The following RAB38 variants were observed in gnomAD, a reference collection of about 807,000 sequenced individuals.
RAB38 encodes the protein ras-related protein Rab-38.
RAB38 carries 15 observed loss-of-function variants against 18.4 expected under a neutral mutation model. The ratio of observed to expected loss-of-function variants is 0.82; its 90% CI spans 0.55 to 1.26. RAB38 has a LOEUF of 1.26. Ranked by LOEUF, RAB38 falls within the 50% of genes most tolerant of loss-of-function variation. The pLI, the probability that RAB38 is intolerant of heterozygous loss-of-function variation, is 0.00. For missense variants in RAB38, 294 were observed against 267.4 expected, an observed-to-expected ratio of 1.10 and a Z score of -0.69; for synonymous variants, 101 against 104.4, an observed-to-expected ratio of 0.97 and a Z score of 0.20.
At chr11:87,841,924 T>C in the RAB38 span, among the ~76,000 whole-genome samples, 8 of 152,340 alleles carry the variant, frequency 5.3e-5, no homozygotes, top group South Asian at 1.7e-3. Flanking sequence ...TTATATTCTC[T>C]GAGATTCACT....
At chr11:88,137,170 C>G (rs1283879213) in intron 2 of RAB38, among the ~76,000 whole-genome samples, 2 of 152,166 alleles carry the variant, frequency 1.3e-5, no homozygotes, top group Non-Finnish European at 2.9e-5. Flanking sequence ...GCAAAACCCA[C>G]AAATCAACAA....
chr11:88,112,719 A>C (rs1038186971), downstream of RAB38, among the ~76,000 whole-genome samples: 4 of 152,108 alleles, frequency 2.6e-5, no homozygotes, highest in Admixed American at 6.6e-5. Flanking sequence ...AGTTGCAGTG[A>C]GCTGAGATCG....
chr11:87,968,216 C>A, the RAB38 span, among the ~76,000 whole-genome samples: 1 of 152,106 alleles, frequency 6.6e-6, no homozygotes, highest in South Asian at 2.1e-4. Flanking sequence ...ATTTGGTTTC[C>A]AGGACCTTAC....
chr11:88,054,219 G>A, the RAB38 span, among the ~76,000 whole-genome samples: 45 of 152,156 alleles, frequency 3.0e-4, 1 homozygote, highest in Non-Finnish European at 7.4e-5. Context: ...TAGAGTAACA[G>A]TCCCTCTAAC....
chr11:88,130,055 A>T (rs912731887), intron 2 of RAB38, among the ~76,000 whole-genome samples: 4 of 152,220 alleles, frequency 2.6e-5, no homozygotes, highest in Non-Finnish European at 5.9e-5. Context: ...TATTCCACAA[A>T]CTGGAAAATA....
chr11:87,938,831 C>G, the RAB38 span, among the ~76,000 whole-genome samples: 1 of 151,684 alleles, frequency 6.6e-6, no homozygotes, highest in Non-Finnish European at 1.5e-5. Flanking sequence ...TCCTGAGGTC[C>G]CTAGCCGGTC....
the RAB38 span, among the ~76,000 whole-genome samples, chr11:87,857,190 A>G: frequency 6.6e-6 from 1 of 152,158 alleles, no homozygotes; most frequent in Non-Finnish European, 1.5e-5. Flanking sequence ...AAAGGACAGG[A>G]ACTCATCATT....
chr11:87,957,313 C>G, the RAB38 span, among the ~76,000 whole-genome samples: 2 of 152,076 alleles, frequency 1.3e-5, no homozygotes, highest in East Asian at 1.9e-4. Context: ...CCCTCACCCC[C>G]CATAGGGGCA....
At chr11:87,830,616 T>A in the RAB38 span, among the ~76,000 whole-genome samples, 2 of 152,166 alleles carry the variant, frequency 1.3e-5, no homozygotes, top group Admixed American at 6.5e-5. Flanking sequence ...TAAACTATTA[T>A]AACCCACCAT....
chr11:87,941,214 GATATATATATATATATAT>G, the RAB38 span, among the ~76,000 whole-genome samples: 16 of 62,538 alleles, frequency 2.6e-4, 1 homozygote, highest in Admixed American at 4.6e-4. Flanking sequence ...AAATATATGA[GATATATATATATATATAT>G]ATATATATAT....
At chr11:87,922,988 A>ATT in the RAB38 span, among the ~76,000 whole-genome samples, 1 of 151,782 alleles carries the variant, frequency 6.6e-6, no homozygotes, top group African/African-American at 2.4e-5. Context: ...AGAAAATAAA[A>ATT]GAATAGGGGA....
chr11:87,959,858 A>G, the RAB38 span, among the ~76,000 whole-genome samples: 1 of 152,172 alleles, frequency 6.6e-6, no homozygotes, highest in Non-Finnish European at 1.5e-5. Context: ...GAGTCCTTAG[A>G]TGACCTTGTA....
downstream of RAB38, among the ~76,000 whole-genome samples, chr11:88,109,569 T>G (rs983594215): frequency 5.3e-5 from 8 of 152,120 alleles, no homozygotes; most frequent in Non-Finnish European, 1.0e-4. Context: ...GAAACTATCA[T>G]CAGAGTGAAC....
chr11:87,818,983 T>A, the RAB38 span, among the ~76,000 whole-genome samples: 1 of 152,074 alleles, frequency 6.6e-6, no homozygotes, highest in Non-Finnish European at 1.5e-5. Flanking sequence ...AAGGAAAAAA[T>A]TATAAATTTA....
the RAB38 span, among the ~76,000 whole-genome samples, chr11:88,019,655 C>T: frequency 6.6e-6 from 1 of 152,138 alleles, no homozygotes; most frequent in East Asian, 1.9e-4. Flanking sequence ...TTCTATCAGC[C>T]TCCCTGTTTC....
At chr11:88,170,063 G>A (rs774910952) in intron 1 of RAB38, among the ~76,000 whole-genome samples, 21 of 152,118 alleles carry the variant, frequency 1.4e-4, no homozygotes, top group Non-Finnish European at 2.9e-4. Flanking sequence ...CCTTGGTCAA[G>A]CTGCTACTTG....
chr11:88,154,943 T>C (rs947486915), intron 1 of RAB38, among the ~76,000 whole-genome samples: 7 of 152,206 alleles, frequency 4.6e-5, no homozygotes, highest in African/African-American at 1.7e-4. Flanking sequence ...CCACCCCTCC[T>C]GTGCAGAGAT....
chr11:87,827,604 A>G, the RAB38 span, among the ~76,000 whole-genome samples: 10 of 152,160 alleles, frequency 6.6e-5, no homozygotes, highest in Admixed American at 3.3e-4. Context: ...AATGAGTGAG[A>G]GCCATAGAAA....
chr11:88,076,533 C>T, the RAB38 span, among the ~76,000 whole-genome samples: 1 of 152,078 alleles, frequency 6.6e-6, no homozygotes, highest in Non-Finnish European at 1.5e-5. Flanking sequence ...TTAAAGACTC[C>T]ATCAGAAAAC....
Sources: allele counts gnomAD v4.1 joint callset (sites outside exome capture counted in the v4.1 genomes callset), GRCh38; gene constraint gnomAD v4.1.1; transcripts MANE v1.5; gene names NCBI Gene and HGNC (gene_info 2026-07-23, HGNC 2026-07-21).